DCC: variants seen among roughly 807,000 people sequenced by gnomAD.
The protein encoded by DCC is DCC netrin 1 receptor.
A neutral mutation model predicts 172.5 loss-of-function variants in DCC; 58 were observed. The ratio of observed to expected loss-of-function variants is 0.34; its 90% confidence interval spans 0.27 to 0.42. The LOEUF (loss-of-function observed/expected upper bound fraction) is 0.42, where lower values mean the gene tolerates loss of function less well. Ranked by LOEUF, DCC falls within the 10% of genes least tolerant of loss-of-function variation. The pLI is 1.00. For synonymous variants in DCC, 709 were observed against 644.5 expected, an observed-to-expected ratio of 1.10 and a Z score of -1.52; for missense variants, 1,740 against 1,791.0, an observed-to-expected ratio of 0.97 and a Z score of 0.51.
At chr18:53,318,325 G>T (rs955741229) in intron 13 of DCC, among the ~76,000 whole-genome samples, 1 of 152,038 alleles carries the variant, frequency 6.6e-6, no homozygotes, top group African/African-American at 2.4e-5. Flanking sequence ...TTCTAATTTG[G>T]TTGCACTGTG....
In DCC at chr18:52,883,508, T is replaced by G. The variant is rs373238918; in HGVS notation, c.413-22536T>G. ...TTTCAATTTGAGGTTACCATGAGGC[T>G]TGCAAAGACTATCTTATAACTCACT... On this transcript the variant is annotated intron_variant, in intron 2 of 28. Transcript: ENST00000442544. 6.6e-5 allele frequency among the ~76,000 whole-genome samples: 10 copies of G among 151,978 alleles called. No individual in the cohort carries two copies. In the East Asian group the frequency reaches 1.7e-3, roughly 26 times the overall value.
Position 52,752,410 on chromosome 18 carries a change from T to C in DCC, c.412+36T>C, listed in dbSNP as rs551564124. 3.4e-6 allele frequency: 5 copies of C among 1,463,260 alleles called. No individual in the cohort carries two copies. In the African/African-American group the frequency reaches 5.5e-5, roughly 16 times the overall value. The allele number at this position is 1,463,260 out of a possible 1,614,324, so 90.6% of individuals were successfully genotyped here. On this transcript the variant is annotated intron_variant, in intron 2 of 28. Transcript: ENST00000442544. ...TCTTCCTTCTCTTCCTCCTCCTCCT[T>C]CCTCTCTTCTTCTTATTCATTTTTG...
At chr18:52,430,730 C>G (rs541571096) in intron 1 of DCC, among the ~76,000 whole-genome samples, 3 of 152,216 alleles carry the variant, frequency 2.0e-5, no homozygotes, top group Non-Finnish European at 2.9e-5. Context: ...AGGGAATTTC[C>G]TATTGAAGTG....
At chr18:52,894,828 G>T (rs1224368371) in intron 2 of DCC, among the ~76,000 whole-genome samples, 1 of 152,116 alleles carries the variant, frequency 6.6e-6, no homozygotes, top group Non-Finnish European at 1.5e-5. Flanking sequence ...ATTGGATAAA[G>T]CCCACCCACA....
At chr18:52,563,100 T>A (rs1191893356) in intron 1 of DCC, among the ~76,000 whole-genome samples, 1 of 152,136 alleles carries the variant, frequency 6.6e-6, no homozygotes, top group Non-Finnish European at 1.5e-5. Flanking sequence ...TAGGTAGAAG[T>A]GGCAATTTTC....
intron 2 of DCC, among the ~76,000 whole-genome samples, chr18:52,835,589 T>C (rs2038690416): frequency 6.6e-6 from 1 of 152,224 alleles, no homozygotes; most frequent in Non-Finnish European, 1.5e-5. Flanking sequence ...GCAACTAAAA[T>C]TTACAGCTTC....
At chr18:53,377,994 G>T (rs1358698337) in intron 15 of DCC, among the ~76,000 whole-genome samples, 2 of 152,010 alleles carry the variant, frequency 1.3e-5, no homozygotes, top group East Asian at 3.9e-4. Flanking sequence ...TTAAGACGGG[G>T]TCTGGCTCTG....
intron 5 of DCC, among the ~76,000 whole-genome samples, chr18:53,047,264 ATATATATATATATATATATATATAATTT>A (rs1409444655): frequency 7.1e-4 from 12 of 16,978 alleles, no homozygotes; most frequent in African/African-American, 1.5e-3. Flanking sequence ...ATATATATAT[ATATATATATATATATATATATATAATTT>A]TATATATATA....
chr18:52,791,711 T>C (rs1288406795), intron 2 of DCC, among the ~76,000 whole-genome samples: 1 of 152,092 alleles, frequency 6.6e-6, no homozygotes, highest in Non-Finnish European at 1.5e-5. Flanking sequence ...CATTTAAGCA[T>C]CTGTTGCACT....
chr18:52,588,406 T>C (rs2144791464), intron 1 of DCC, among the ~76,000 whole-genome samples: 1 of 152,268 alleles, frequency 6.6e-6, no homozygotes. Flanking sequence ...ACTTGATAAA[T>C]GGACTGGAGT....
chr18:52,958,544 A>G (rs2040785230), intron 5 of DCC, among the ~76,000 whole-genome samples: 1 of 152,148 alleles, frequency 6.6e-6, no homozygotes, highest in African/African-American at 2.4e-5. Context: ...AGACAGGAAA[A>G]GAAGTGAGGA....
chr18:53,375,602 C>A (rs918986331), intron 15 of DCC, among the ~76,000 whole-genome samples: 9 of 142,034 alleles, frequency 6.3e-5, no homozygotes, highest in African/African-American at 2.3e-4. Context: ...AATGTTACCA[C>A]CTTATATTTA....
intron 5 of DCC, among the ~76,000 whole-genome samples, chr18:52,932,785 G>C (rs1943130): frequency 0.39 from 59,604 of 151,552 alleles, 12,314 homozygotes; most frequent in Non-Finnish European, 0.47. Context: ...TTTTGTATAT[G>C]TGCATACATA....
intron 1 of DCC, among the ~76,000 whole-genome samples, chr18:52,553,542 T>A (rs1227102785): frequency 6.6e-6 from 1 of 152,018 alleles, no homozygotes; most frequent in Non-Finnish European, 1.5e-5. Flanking sequence ...CAAACATTTA[T>A]TATGCACCTC....
intron 5 of DCC, among the ~76,000 whole-genome samples, chr18:53,039,910 G>A (rs1256507858): frequency 6.6e-6 from 1 of 151,892 alleles, no homozygotes; most frequent in Non-Finnish European, 1.5e-5. Flanking sequence ...CATTCCTTGA[G>A]GGCATATCTA....
intron 26 of DCC, among the ~76,000 whole-genome samples, chr18:53,497,146 G>A (rs896164976): frequency 6.6e-6 from 1 of 152,162 alleles, no homozygotes; most frequent in African/African-American, 2.4e-5. Context: ...TAGCCCATTG[G>A]AGATAAAGGA....
At chr18:53,103,576 ACT>A (rs1245167028) in intron 7 of DCC, among the ~76,000 whole-genome samples, 2 of 151,638 alleles carry the variant, frequency 1.3e-5, no homozygotes, top group African/African-American at 4.8e-5. Flanking sequence ...ATGTGCTATG[ACT>A]CTCAATGAAA....
intron 1 of DCC, among the ~76,000 whole-genome samples, chr18:52,682,801 A>G (rs578009743): frequency 6.6e-5 from 10 of 152,234 alleles, no homozygotes; most frequent in Middle Eastern, 3.4e-3. Flanking sequence ...TGGTAGGATA[A>G]GGTGGTGTGT....
intron 1 of DCC, among the ~76,000 whole-genome samples, chr18:52,519,202 T>A (rs1026312414): frequency 3.3e-5 from 5 of 152,188 alleles, no homozygotes; most frequent in African/African-American, 1.2e-4. Context: ...AGACCTTGTA[T>A]TCACGTGTGC....
Sources: allele counts gnomAD v4.1 joint callset (sites outside exome capture counted in the v4.1 genomes callset), GRCh38; gene constraint gnomAD v4.1.1; transcripts MANE v1.5; gene names NCBI Gene and HGNC (gene_info 2026-07-23, HGNC 2026-07-21).